Variants in GSK3B observed in about 807,000 individuals in gnomAD.
The protein encoded by GSK3B is glycogen synthase kinase 3 beta.
Under a neutral mutation model 56.4 loss-of-function variants are expected in GSK3B, and 15 were observed. That is an observed-to-expected ratio of 0.27 (90% CI 0.18 to 0.41). The LOEUF (loss-of-function observed/expected upper bound fraction) is 0.41, where lower values mean the gene tolerates loss of function less well. Among genes scored for constraint, GSK3B ranks in the 10% least tolerant of loss-of-function variants. GSK3B has a pLI of 1.00. For synonymous variants in GSK3B, 181 were observed against 188.9 expected (o/e 0.96, Z 0.34); for missense variants, 300 against 513.4 (o/e 0.58, Z 4.02).
chr3:119,986,657 G>A (rs984449383), intron 2 of GSK3B, among the ~76,000 whole-genome samples: 1 of 152,172 alleles, frequency 6.6e-6, no homozygotes, highest in Non-Finnish European at 1.5e-5. Context: ...CAGTTAGAAT[G>A]GCGGTCGTTA....
At chr3:119,995,357 G>T (rs920682067) in intron 2 of GSK3B, among the ~76,000 whole-genome samples, 2 of 151,794 alleles carry the variant, frequency 1.3e-5, no homozygotes, top group Non-Finnish European at 2.9e-5. Context: ...AATATATATA[G>T]AGAGGAAGAA....
intron 8 of GSK3B, among the ~76,000 whole-genome samples, chr3:119,869,245 A>AAAAAAAAAAAC (rs1455323431): frequency 6.7e-6 from 1 of 149,576 alleles, no homozygotes; most frequent in African/African-American, 2.5e-5. Flanking sequence ...AAAAAAAAAA[A>AAAAAAAAAAAC]ACATATATTC....
chr3:119,877,227 T>C (rs1452299440), intron 7 of GSK3B, among the ~76,000 whole-genome samples: 2 of 152,182 alleles, frequency 1.3e-5, no homozygotes, highest in Admixed American at 6.5e-5. Flanking sequence ...GAGAGTATTT[T>C]TTCTTCACTT....
chr3:119,953,283 A>G (rs911291096), intron 2 of GSK3B, among the ~76,000 whole-genome samples: 2 of 143,512 alleles, frequency 1.4e-5, no homozygotes, highest in African/African-American at 2.7e-5. Context: ...GAACGGAAGA[A>G]CAAATATAAC....
intron 10 of GSK3B, among the ~76,000 whole-genome samples, chr3:119,837,877 A>G (rs2055715298): frequency 1.4e-5 from 2 of 147,296 alleles, no homozygotes; most frequent in African/African-American, 4.9e-5. Context: ...ATATATATTT[A>G]TATTTTATAT....
At position 119,843,250 on chromosome 3, in the gene GSK3B, CT is replaced by C; in HGVS notation, c.1195+4del. ...TTTTATAGAAGAGACTTAGAACGTT[CT>C]TACCTGACGCTGCTGTGGCATTTGT... On this transcript the variant is annotated splice_donor_region_variant and intron_variant, in intron 10 of 10. Transcript: ENST00000264235. The C allele has an allele frequency of 6.3e-7, 1 of 1,585,954 alleles. No individual in the cohort carries two copies.
intron 1 of GSK3B, among the ~76,000 whole-genome samples, chr3:120,036,792 CAAAAAAAAA>C (rs560163237): frequency 1.6e-5 from 1 of 64,336 alleles, no homozygotes; most frequent in Non-Finnish European, 3.1e-5. Context: ...GACTCCGACT[CAAAAAAAAA>C]AAAAAAAAAA....
chr3:119,937,980 A>G lies in GSK3B; in HGVS notation c.366+9288T>C, dbSNP rs1285429774. ...CAGAGACAAAAAGGATGAAAACAGC[A>G]TACTACAAATAATCGTATGTTAACA... On this transcript the variant is annotated intron_variant, in intron 3 of 10. Transcript: ENST00000264235. Among the ~76,000 whole-genome samples, 5 of 152,160 alleles carry G rather than the reference A, an allele frequency of 3.3e-5. 1 individual carries two copies. Among genetic ancestry groups the G allele is most frequent in the African/African-American group, 9.7e-5 (4 of 41,442 alleles).
intron 1 of GSK3B, among the ~76,000 whole-genome samples, chr3:120,092,185 T>A (rs551588405): frequency 6.6e-6 from 1 of 152,162 alleles, no homozygotes; most frequent in African/African-American, 2.4e-5. Context: ...TCTCCATAAA[T>A]AGAGATACAC....
At position 119,876,409 on chromosome 3, in the gene GSK3B, T is replaced by A; in HGVS notation, c.909+4A>T. The A allele has an allele frequency of 6.6e-7, 1 of 1,517,300 alleles. No individual in the cohort carries two copies. Among genetic ancestry groups the A allele is most frequent in the Non-Finnish European group, 9.1e-7 (1 of 1,094,236 alleles). 94.0% of individuals were successfully genotyped at this position (1,517,300 alleles called of 1,614,324 possible). ...TAATATACTTAAAAAAAAATCTAAC[T>A]CACCTTAGTCCAAGGATGTGCCTTA... is the stretch of plus-strand genomic sequence containing the variant. On this transcript the variant is annotated splice_donor_region_variant and intron_variant, in intron 8 of 10. Transcript: ENST00000264235.
At chr3:120,012,529 T>C (rs924291694) in intron 1 of GSK3B, among the ~76,000 whole-genome samples, 1 of 152,204 alleles carries the variant, frequency 6.6e-6, no homozygotes, top group Non-Finnish European at 1.5e-5. Flanking sequence ...ACAAATTCCC[T>C]ACATAATTAA....
chr3:119,914,136 A>G (rs1309712759), intron 5 of GSK3B, among the ~76,000 whole-genome samples: 1 of 152,002 alleles, frequency 6.6e-6, no homozygotes, highest in Non-Finnish European at 1.5e-5. Context: ...CAATATTGTG[A>G]TCACATCTAG....
intron 1 of GSK3B, among the ~76,000 whole-genome samples, chr3:120,042,635 C>T (rs1453139599): frequency 6.6e-6 from 1 of 152,094 alleles, no homozygotes; most frequent in Non-Finnish European, 1.5e-5. Context: ...ATAGTTAAGG[C>T]ATTAATTAAA....
At chr3:119,937,363 G>A (rs553680259) in intron 3 of GSK3B, among the ~76,000 whole-genome samples, 102 of 152,146 alleles carry the variant, frequency 6.7e-4, no homozygotes, top group South Asian at 6.0e-3. Context: ...GGTAAAAAGA[G>A]CCTGACACCT....
intron 1 of GSK3B, among the ~76,000 whole-genome samples, chr3:120,024,031 G>A (rs2057902438): frequency 6.6e-6 from 1 of 152,254 alleles, no homozygotes; most frequent in East Asian, 1.9e-4. Context: ...CAAAAATTAA[G>A]CTGGCACTTA....
intron 8 of GSK3B, among the ~76,000 whole-genome samples, chr3:119,864,633 C>T (rs533679442): frequency 1.2e-4 from 19 of 152,182 alleles, no homozygotes; most frequent in East Asian, 5.8e-4. Flanking sequence ...GAAAAGCCCA[C>T]GCAGATTGTG....
In GSK3B at chr3:119,825,251, C is replaced by T; in HGVS notation, c.*1537G>A. ...ATATAAGGCCCACATAGATGCCAACCTTAAAAGTATAAAACAAACTAGTCA... is the reference window on the plus strand; with the variant it reads ...ATATAAGGCCCACATAGATGCCAACTTTAAAAGTATAAAACAAACTAGTCA... On this transcript the variant is annotated 3_prime_UTR_variant, in exon 11 of 11. Coordinates refer to ENST00000264235, the MANE Select transcript of GSK3B (RefSeq NM_001146156.2). 1 of 228,814 alleles carries T rather than the reference C, an allele frequency of 4.4e-6. No individual in the cohort carries two copies. The highest frequency in any genetic ancestry group is 8.7e-6 in the Non-Finnish European group (1 of 115,354). 14.2% of individuals were successfully genotyped at this position (228,814 alleles called of 1,614,324 possible).
intron 10 of GSK3B, among the ~76,000 whole-genome samples, chr3:119,833,260 G>C (rs2055632693): frequency 6.6e-6 from 1 of 151,952 alleles, no homozygotes; most frequent in African/African-American, 2.4e-5. Flanking sequence ...TAAATAAAAA[G>C]AGAGTAGAAA....
intron 4 of GSK3B, among the ~76,000 whole-genome samples, chr3:119,921,053 A>G (rs1264200003): frequency 6.6e-6 from 1 of 152,244 alleles, no homozygotes; most frequent in Non-Finnish European, 1.5e-5. Flanking sequence ...GAAATGTGTA[A>G]GATGAACTTG....
Sources: gnomAD v4.1 joint callset for allele counts (sites outside exome capture counted in the v4.1 genomes callset) on GRCh38, gnomAD v4.1.1 for gene constraint, MANE v1.5 for transcripts, NCBI Gene and HGNC (gene_info 2026-07-23, HGNC 2026-07-21) for gene names.